TSHZ1: variants seen among roughly 807,000 people sequenced by gnomAD.
TSHZ1 encodes teashirt homolog 1.
In TSHZ1, 12 loss-of-function variants were observed where a neutral mutation model predicts 67.1. The observed-to-expected ratio is 0.18, with a 90% CI of 0.11 to 0.29. The LOEUF (loss-of-function observed/expected upper bound fraction) is 0.29. TSHZ1 is among the 10% of genes least tolerant of loss of function. TSHZ1 has a pLI of 1.00. For missense variants in TSHZ1, 1,305 were observed against 1,413.9 expected (o/e 0.92, Z 1.23); for synonymous variants, 632 against 622.4 (o/e 1.02, Z -0.23).
chr18:75,215,263 A>G lies in TSHZ1; in HGVS notation c.40+3347A>G, dbSNP rs75072150. Among the ~76,000 whole-genome samples, 136 of 152,346 alleles carry G rather than the reference A, an allele frequency of 8.9e-4. No individual in the cohort carries two copies. In the East Asian group the frequency reaches 0.026, roughly 29 times the overall value. On this transcript the variant is annotated intron_variant, in intron 1 of 1. Coordinates refer to ENST00000580243, the MANE Select transcript of TSHZ1 (RefSeq NM_001308210.2). ...ATGCAGAATAGATCTGTACCAGAGAATGTCGCTGGCTGGGAGCACACCGGG... is the reference window on the plus strand; with the variant it reads ...ATGCAGAATAGATCTGTACCAGAGAGTGTCGCTGGCTGGGAGCACACCGGG...
At chr18:75,275,893 T>C (rs1411676309) in intron 1 of TSHZ1, among the ~76,000 whole-genome samples, 1 of 152,224 alleles carries the variant, frequency 6.6e-6, no homozygotes, top group African/African-American at 2.4e-5. Context: ...GAAGTGTCAC[T>C]TGCTTTTTGC....
chr18:75,251,493 G>GTTT (rs3067027), intron 1 of TSHZ1, among the ~76,000 whole-genome samples: 74,427 of 138,970 alleles, frequency 0.54, 19,954 homozygotes, highest in South Asian at 0.66. Context: ...TTTCTTTAGG[G>GTTT]TTTTTTTTTT....
At chr18:75,245,519 T>C (rs1013419819) in intron 1 of TSHZ1, 13 of 152,240 alleles carry the variant, frequency 8.5e-5, no homozygotes, top group African/African-American at 3.1e-4. Context: ...AAGGAAAAGG[T>C]CAGGCTTTCC....
At chr18:75,224,878 T>C (rs995465395) in intron 1 of TSHZ1, among the ~76,000 whole-genome samples, 6 of 152,152 alleles carry the variant, frequency 3.9e-5, no homozygotes, top group African/African-American at 1.4e-4. Context: ...GGGCTTATAT[T>C]ATTAGAGAAT....
Position 75,237,787 on chromosome 18 carries a change from C to CATTTATTTA in TSHZ1, c.40+25871_40+25872insATTTATTTA, listed in dbSNP as rs1163060518. Among the ~76,000 whole-genome samples the CATTTATTTA allele has an allele frequency of 9.8e-3, 1,021 of 104,312 alleles. 11 individuals are homozygous for CATTTATTTA. The highest frequency in any genetic ancestry group is 0.037 in the South Asian group (97 of 2,618). 68.4% of individuals were successfully genotyped at this position (104,312 alleles called of 152,430 possible). ...TATGAATTAGACTGAAGCCTTCTTT[C>CATTTATTTA]TTTCATTTATTTATTTATTTATTTA... On this transcript the variant is annotated intron_variant, in intron 1 of 1. Coordinates refer to ENST00000580243, the MANE Select transcript of TSHZ1 (RefSeq NM_001308210.2).
rs746102569 is a variant in TSHZ1, at chr18:75,286,775, G to A, written c.1368G>A (p.Val456=). 40 of 1,613,510 alleles carry A rather than the reference G, an allele frequency of 2.5e-5. No individual in the cohort carries two copies. The highest frequency in any genetic ancestry group is 3.3e-5 in the Non-Finnish European group (39 of 1,180,040). ...TSASKKGKQL[V]LDPVVEEKIQ... ...CTTCTAAGAAGGGCAAGCAGTTGGT[G>A]CTGGACCCTGTGGTGGAAGAGAAGA... Residue 456 remains valine (V), a synonymous_variant, in exon 2 of 2, where the codon GTG becomes GTA. Coordinates refer to ENST00000580243, the MANE Select transcript of TSHZ1 (RefSeq NM_001308210.2). The surrounding 1 kb of genome is among the most constrained non-coding windows in gnomAD (Gnocchi z 5.1).
chr18:75,278,548 A>G (rs1033315464), intron 1 of TSHZ1, among the ~76,000 whole-genome samples: 2 of 151,926 alleles, frequency 1.3e-5, no homozygotes, highest in African/African-American at 4.8e-5. Flanking sequence ...CCTGCTCCCC[A>G]GTTTTGGAAG....
intron 1 of TSHZ1, among the ~76,000 whole-genome samples, chr18:75,239,496 G>A (rs1038803051): frequency 6.6e-6 from 1 of 152,102 alleles, no homozygotes; most frequent in Admixed American, 6.5e-5. Context: ...TGAGATTAAA[G>A]TCCCAGTCCT....
rs752859220 is a variant in TSHZ1 at position 75,287,018 on chromosome 18, T to A, written c.1611T>A (p.Arg537=). ...FEPSTLYPYL[R]EEDLDDSPKG... is the part of the protein sequence containing the mutation. ...CCAGCACCCTGTACCCGTACCTGCG[T>A]GAGGAGGACCTGGACGACAGCCCCA... is the stretch of plus-strand genomic sequence containing the variant. Residue 537 remains arginine, a synonymous_variant, in exon 2 of 2, where the codon CGT becomes CGA. Coordinates refer to ENST00000580243, the MANE Select transcript of TSHZ1 (RefSeq NM_001308210.2). The surrounding 1 kb of genome is among the most constrained non-coding windows in gnomAD (Gnocchi z 5.0). 6.2e-7 allele frequency: 1 copy of A among 1,613,964 alleles called. No homozygotes were observed. Among genetic ancestry groups the A allele is most frequent in the Non-Finnish European group, 8.5e-7 (1 of 1,179,972 alleles).
intron 1 of TSHZ1, among the ~76,000 whole-genome samples, chr18:75,233,412 A>G (rs1051929513): frequency 1.3e-5 from 2 of 152,238 alleles, no homozygotes; most frequent in Non-Finnish European, 2.9e-5. Flanking sequence ...TGGTGAATGT[A>G]TAAATATAGT....
At chr18:75,223,452 G>C (rs1242368377) in intron 1 of TSHZ1, among the ~76,000 whole-genome samples, 1 of 152,118 alleles carries the variant, frequency 6.6e-6, no homozygotes, top group African/African-American at 2.4e-5. Context: ...TGATTTTAGA[G>C]AGAGGGAGTT....
intron 1 of TSHZ1, among the ~76,000 whole-genome samples, chr18:75,217,636 G>A (rs1023060655): frequency 6.6e-6 from 1 of 152,180 alleles, no homozygotes; most frequent in Non-Finnish European, 1.5e-5. Flanking sequence ...GTTGGGCTGC[G>A]TTCGCTCTTG....
rs541142645 is a variant in TSHZ1, at chr18:75,246,266, G to C, written c.40+34350G>C. Among the ~76,000 whole-genome samples, 8 of 152,282 alleles carry C rather than the reference G, an allele frequency of 5.3e-5. No individual in the cohort carries two copies. The South Asian group carries it at 1.7e-3, about 32-fold the overall frequency. ...GGGCTTGTCTTAGTGCTAAAATGTA[G>C]CTAACGTGTGTGGCAAAGGTGAGGA... On this transcript the variant is annotated intron_variant, in intron 1 of 1. Coordinates refer to ENST00000580243, the MANE Select transcript of TSHZ1 (RefSeq NM_001308210.2).
rs761091881 is a variant in TSHZ1, at chr18:75,286,104, A to G, written c.697A>G (p.Asn233Asp). Residue 233 changes from asparagine (N) to aspartate (D), a missense_variant, in exon 2 of 2, where the codon AAC becomes GAC. By Grantham distance (23) the Asn-to-Asp change is conservative (BLOSUM62 1). Coordinates refer to ENST00000580243, the MANE Select transcript of TSHZ1 (RefSeq NM_001308210.2). The surrounding 1 kb of genome is among the most constrained non-coding windows in gnomAD (Gnocchi z 5.1). Reference protein sequence around the residue: ...FSTVQLYRQNNKLYGSVFTGA... With the variant: ...FSTVQLYRQNDKLYGSVFTGA... ...CACCGTGCAGCTCTACCGCCAGAAC[A>G]ACAAGCTCTACGGCTCCGTCTTCAC... 2.5e-5 allele frequency: 41 copies of G among 1,612,144 alleles called. No individual in the cohort carries two copies. Among genetic ancestry groups the G allele is most frequent in the Non-Finnish European group, 3.4e-5 (40 of 1,178,464 alleles).
chr18:75,250,132 C>G (rs920756519), intron 1 of TSHZ1, among the ~76,000 whole-genome samples: 4 of 150,172 alleles, frequency 2.7e-5, no homozygotes, highest in African/African-American at 9.8e-5. Context: ...CGTCTGACCC[C>G]TGCAGTAGGT....
intron 1 of TSHZ1, among the ~76,000 whole-genome samples, chr18:75,273,808 G>A (rs2023584423): frequency 6.6e-6 from 1 of 152,162 alleles, no homozygotes; most frequent in Non-Finnish European, 1.5e-5. Context: ...ATATTAACAA[G>A]ATTTAATTAA....
At chr18:75,256,842 C>T (rs1033734580) in intron 1 of TSHZ1, among the ~76,000 whole-genome samples, 5 of 152,134 alleles carry the variant, frequency 3.3e-5, no homozygotes, top group African/African-American at 1.2e-4. Flanking sequence ...TGTTCCACAC[C>T]CGAATACAAC....
At chr18:75,280,808 C>T in intron 1 of TSHZ1, 3 of 985,434 alleles carry the variant, frequency 3.0e-6, no homozygotes, top group Non-Finnish European at 3.6e-6. Context: ...ATGAGGAGGA[C>T]AGACAGGTAA....
At chr18:75,245,898 G>A (rs893512045) in intron 1 of TSHZ1, among the ~76,000 whole-genome samples, 2 of 152,152 alleles carry the variant, frequency 1.3e-5, no homozygotes, top group Non-Finnish European at 2.9e-5. Context: ...GTGTTTTCTT[G>A]TACTAAGTGT....
Sources: allele counts gnomAD v4.1 joint callset (sites outside exome capture counted in the v4.1 genomes callset), GRCh38; gene constraint gnomAD v4.1.1; non-coding constraint Gnocchi (gnomAD v3.1); transcripts MANE v1.5; gene names NCBI Gene and HGNC (gene_info 2026-07-23, HGNC 2026-07-21).